PPCDC: variants seen among roughly 807,000 people sequenced by gnomAD.
PPCDC encodes the protein phosphopantothenoylcysteine decarboxylase.
In PPCDC, 20 loss-of-function variants were observed where a neutral mutation model predicts 20.7. The observed-to-expected ratio is 0.97, with a 90% confidence interval of 0.68 to 1.41. The LOEUF (loss-of-function observed/expected upper bound fraction) is 1.41, where lower values mean the gene tolerates loss of function less well. PPCDC is among the 40% of genes most tolerant of loss of function. The pLI is 0.00. For synonymous variants in PPCDC, 88 were observed against 100.3 expected (o/e 0.88, Z 0.73); for missense variants, 246 against 263.8 (o/e 0.93, Z 0.47).
chr15:75,044,121 C>G (rs1056623827), intron 3 of PPCDC, among the ~76,000 whole-genome samples: 2 of 151,432 alleles, frequency 1.3e-5, no homozygotes, highest in African/African-American at 4.9e-5. Flanking sequence ...GCCGGGAGCT[C>G]CCTGCCAGAT....
At chr15:75,036,279 G>A (rs1367631580) in intron 2 of PPCDC, among the ~76,000 whole-genome samples, 1 of 152,156 alleles carries the variant, frequency 6.6e-6, no homozygotes, top group Non-Finnish European at 1.5e-5. Context: ...ATTTTAATGT[G>A]TACAGGGCCC....
chr15:75,046,874 C>T (rs550815356), intron 4 of PPCDC, among the ~76,000 whole-genome samples: 1 of 152,392 alleles, frequency 6.6e-6, no homozygotes, highest in Non-Finnish European at 1.5e-5. Flanking sequence ...TTGTGCTAAA[C>T]AGGCAGTCGG....
rs1193451563 is a variant in PPCDC, at chr15:75,049,876, G to A, written c.*641G>A. ...GTCCCCGTATAACATGGTGGTTAAG[G>A]ATAAAGATCTGAAGCCAGACAGCCC... On this transcript the variant is annotated 3_prime_UTR_variant, in exon 6 of 6. Coordinates refer to ENST00000342932, the MANE Select transcript of PPCDC (RefSeq NM_021823.5). The A allele has an allele frequency of 6.6e-6, 1 of 152,186 alleles. No homozygotes were observed. Among genetic ancestry groups the A allele is most frequent in the Non-Finnish European group, 1.5e-5 (1 of 68,062 alleles). 9.4% of individuals were successfully genotyped at this position (152,186 alleles called of 1,614,324 possible).
rs760380658 is a variant in PPCDC, at chr15:75,028,464, T to A, written c.135+11T>A. ...TTGGACATTCCTGGGGTGAGTATCC[T>A]CACCAGATAAGCATGGCAGCCTCCG... On this transcript the variant is annotated intron_variant, in intron 2 of 5. Coordinates refer to ENST00000342932, the MANE Select transcript of PPCDC (RefSeq NM_021823.5). 8.7e-6 allele frequency: 14 copies of A among 1,614,036 alleles called. No homozygotes were observed. Among genetic ancestry groups the A allele is most frequent in the Non-Finnish European group, 1.2e-5 (14 of 1,180,026 alleles).
At chr15:75,029,122 C>A (rs2065991473) in intron 2 of PPCDC, among the ~76,000 whole-genome samples, 1 of 152,110 alleles carries the variant, frequency 6.6e-6, no homozygotes, top group Non-Finnish European at 1.5e-5. Context: ...GCCCCACTTC[C>A]TAGTTCCACC....
In PPCDC at chr15:75,049,530, T is replaced by C. The variant is rs975604566; in HGVS notation, c.*295T>C. On this transcript the variant is annotated 3_prime_UTR_variant, in exon 6 of 6. Transcript: ENST00000342932. ...CCTCACGGGAGGAGGACTGAGCGAC[T>C]GGGAAAACTCGGCTCTACATCTCAC... 4.4e-5 allele frequency: 15 copies of C among 343,808 alleles called. No individual in the cohort carries two copies. The highest frequency in any genetic ancestry group is 2.7e-4 in the Admixed American group (6 of 22,438). 21.3% of individuals were successfully genotyped at this position (343,808 alleles called of 1,614,324 possible). A position where few individuals can be genotyped will look rare whatever the true frequency, so the allele number is the denominator to read the frequency against.
At chr15:75,031,117 A>T (rs1356095229) in intron 2 of PPCDC, among the ~76,000 whole-genome samples, 1 of 152,082 alleles carries the variant, frequency 6.6e-6, no homozygotes, top group East Asian at 1.9e-4. Context: ...ACAGTGAAGG[A>T]GGGGCAGGTT....
chr15:75,039,352 G>A (rs2066124530), intron 2 of PPCDC, among the ~76,000 whole-genome samples: 1 of 152,202 alleles, frequency 6.6e-6, no homozygotes, highest in South Asian at 2.1e-4. Context: ...TTAGGGTCAA[G>A]TAGGGGAAGC....
chr15:75,036,019 G>A (rs1032262846), intron 2 of PPCDC, among the ~76,000 whole-genome samples: 4 of 151,826 alleles, frequency 2.6e-5, no homozygotes, highest in African/African-American at 9.7e-5. Context: ...GTCAGCAGGG[G>A]ACTAAGCCGG....
chr15:75,032,683 A>G (rs1482373171), intron 2 of PPCDC, among the ~76,000 whole-genome samples: 3 of 147,890 alleles, frequency 2.0e-5, no homozygotes, highest in Non-Finnish European at 4.5e-5. Context: ...AATCATCAAG[A>G]TGGAAGCGGA....
chr15:75,044,650 C>A, intron 4 of PPCDC, 136 bp downstream of exon 4: 4 of 1,220,586 alleles, frequency 3.3e-6, no homozygotes, highest in Non-Finnish European at 3.4e-6. Context: ...CGCCATTCCC[C>A]ACATCGCCCC....
rs574736816 is a variant in PPCDC at position 75,043,795 on chromosome 15, C to T, written c.231+259C>T. The T allele has an allele frequency of 1.6e-3, 751 of 457,864 alleles. 2 individuals carry two copies. Among genetic ancestry groups the T allele is most frequent in the Non-Finnish European group, 2.5e-3 (645 of 253,846 alleles). The allele number at this position is 457,864 out of a possible 1,614,324, so 28.4% of individuals were successfully genotyped here. On this transcript the variant is annotated intron_variant, in intron 3 of 5. Transcript: ENST00000342932. ...TTGAGTGTCCTTGTACTTATCTGGG[C>T]TGATGAAACCACAGAGGAGCTCTGT...
At chr15:75,027,860 C>A (rs1282790752) in intron 1 of PPCDC, among the ~76,000 whole-genome samples, 1 of 152,238 alleles carries the variant, frequency 6.6e-6, no homozygotes, top group African/African-American at 2.4e-5. Flanking sequence ...GTTCCCCAAC[C>A]TGCCACCCTC....
At chr15:75,044,152 A>C (rs1156572681) in intron 3 of PPCDC, among the ~76,000 whole-genome samples, 1 of 151,746 alleles carries the variant, frequency 6.6e-6, no homozygotes, top group African/African-American at 2.4e-5. Flanking sequence ...TTGAAAGCCA[A>C]ACCATGAAGG....
chr15:75,048,635 T>C lies in PPCDC; in HGVS notation c.443T>C (p.Ile148Thr), dbSNP rs145272093. The C allele has an allele frequency of 2.5e-6, 4 of 1,614,084 alleles. No individual in the cohort carries two copies. The African/African-American group carries it at 5.3e-5, about 22-fold the overall frequency. The change falls in exon 5 of 6, where the codon ATC becomes ACC. Residue 148 changes from isoleucine (I) to threonine (T), a missense_variant. Around this residue, in one of 2 missense-constraint regions of PPCDC, gnomAD observed 225 missense variants for 222.6 expected, o/e 1.01. Coordinates refer to ENST00000342932, the MANE Select transcript of PPCDC (RefSeq NM_021823.5). ...AACACCGCCATGTGGGAGCACCCGA[T>C]CACAGCGCAGCAGGTAGACCAGCTC... ...AMNTAMWEHP[I>T]TAQQVDQLKA... is the part of the protein sequence containing the mutation.
intron 2 of PPCDC, among the ~76,000 whole-genome samples, chr15:75,029,222 G>A (rs950389566): frequency 6.6e-6 from 1 of 152,020 alleles, no homozygotes; most frequent in African/African-American, 2.4e-5. Context: ...CTCCTCTCTC[G>A]CCTTTTCACA....
intron 2 of PPCDC, among the ~76,000 whole-genome samples, chr15:75,032,730 C>CT (rs1036993572): frequency 7.8e-6 from 1 of 128,710 alleles, no homozygotes; most frequent in South Asian, 4.4e-4. Context: ...CTGGACCCCC[C>CT]CCCCCAAGGC....
At chr15:75,030,484 G>A (rs1171064837) in intron 2 of PPCDC, among the ~76,000 whole-genome samples, 1 of 152,232 alleles carries the variant, frequency 6.6e-6, no homozygotes, top group Non-Finnish European at 1.5e-5. Flanking sequence ...TCATCTGCAG[G>A]GAGACAGCTC....
Position 75,043,536 on chromosome 15 carries a change from G to T in PPCDC, c.231G>T (p.Glu77Asp), listed in dbSNP as rs766916262. ...VTLYSDADEW[E>D]IWKSRSDPVL... ...TCTACAGCGACGCTGATGAATGGGA[G>T]GTCAGTGCTGGGGCCCCTGGGCTGA... Residue 77 changes from glutamate (E) to aspartate (D), a missense_variant and splice_region_variant, in exon 3 of 6, where the codon GAG (glutamate) becomes GAT (aspartate). Glu to Asp is a conservative substitution (Grantham distance 45). Transcript: ENST00000342932. 1 of 1,605,280 alleles carries T rather than the reference G, an allele frequency of 6.2e-7. No individual in the cohort carries two copies.
Sources: gnomAD v4.1 joint callset for allele counts (sites outside exome capture counted in the v4.1 genomes callset) on GRCh38, gnomAD v4.1.1 for gene constraint, gnomAD v4.1.1 regional missense constraint, MANE v1.5 for transcripts, NCBI Gene and HGNC (gene_info 2026-07-23, HGNC 2026-07-21) for gene names.